JAKMIP1: variants seen among roughly 807,000 people sequenced by gnomAD.
JAKMIP1 encodes the protein janus kinase and microtubule interacting protein 1.
Under a neutral mutation model 113.0 loss-of-function variants are expected in JAKMIP1, and 33 were observed. The observed-to-expected ratio is 0.29, with a 90% CI of 0.22 to 0.39. The LOEUF is 0.39. JAKMIP1 is among the 10% of genes least tolerant of loss of function. JAKMIP1 has a pLI of 1.00. For synonymous variants in JAKMIP1, 480 were observed against 459.9 expected, an observed-to-expected ratio of 1.04 and a Z score of -0.56; for missense variants, 813 against 1,080.5, an observed-to-expected ratio of 0.75 and a Z score of 3.47.
chr4:6,043,827 C>T (rs1196997676), intron 16 of JAKMIP1, among the ~76,000 whole-genome samples: 1 of 152,078 alleles, frequency 6.6e-6, no homozygotes, highest in Non-Finnish European at 1.5e-5. Flanking sequence ...TCAGAGACCT[C>T]CAAAGACATC....
intron 3 of JAKMIP1, among the ~76,000 whole-genome samples, chr4:6,098,685 AAAG>A (rs1712397919): frequency 1.3e-4 from 1 of 7,674 alleles, no homozygotes; most frequent in South Asian, 9.3e-3. Flanking sequence ...AGAAAGAAAG[AAAG>A]AAAGAAAGAA....
rs1448663133 is a variant in JAKMIP1 at position 6,076,205 on chromosome 4, A to AAAAT, written c.1302+2730_1302+2733dup. Among the ~76,000 whole-genome samples, 1 of 152,134 alleles carries AAAAT rather than the reference A, an allele frequency of 6.6e-6. No homozygotes were observed. Among genetic ancestry groups the AAAAT allele is most frequent in the Non-Finnish European group, 1.5e-5 (1 of 68,034 alleles). On this transcript the variant is annotated intron_variant, in intron 8 of 20. Transcript: ENST00000409021. The surrounding 1 kb of genome is among the most constrained non-coding windows in gnomAD (Gnocchi z 4.8). Reference sequence around the variant, plus strand: ...AAAAATTAGTAAATAAATAAAAAATAAAATAAACAAACAAACAAATAAATA... The same window carrying AAAAT: ...AAAAATTAGTAAATAAATAAAAAATAAAATAAATAAACAAACAAACAAATAAATA...
Position 6,155,343 on chromosome 4 carries a change from G to A in JAKMIP1, c.-147-42346C>T, listed in dbSNP as rs541756355. Among the ~76,000 whole-genome samples the A allele has an allele frequency of 5.3e-5, 8 of 152,110 alleles. No homozygotes were observed. The highest frequency in any genetic ancestry group is 4.2e-4 in the South Asian group (2 of 4,796). The stretch of plus-strand genomic sequence containing the variant: ...AATGTTTACCCAGCCCTTATCCTGC[G>A]TCAGCTCTGCTCCAAGCACTTTATA... On this transcript the variant is annotated intron_variant, in intron 1 of 20. Transcript: ENST00000409021. This position sits in a 1 kb window ranked among gnomAD's most constrained non-coding sequence, Gnocchi z 6.1.
At chr4:6,035,732 C>A (rs1274972246) in intron 19 of JAKMIP1, among the ~76,000 whole-genome samples, 172 bp downstream of exon 19, 2 of 152,242 alleles carry the variant, frequency 1.3e-5, no homozygotes, top group African/African-American at 4.8e-5. Context: ...CTTGCCCCGT[C>A]ACGGGGAGAT....
chr4:6,178,852 G>A lies in JAKMIP1; in HGVS notation c.-148+21401C>T, dbSNP rs190736044. Among the ~76,000 whole-genome samples, 2 of 152,192 alleles carry A rather than the reference G, an allele frequency of 1.3e-5. No individual in the cohort carries two copies. Among genetic ancestry groups the A allele is most frequent in the East Asian group, 1.9e-4 (1 of 5,176 alleles). ...CCATCTCCCAACCTCAGAGCACCTC[G>A]TACTTGATTAAGGTCCCTCCCTCTT... On this transcript the variant is annotated intron_variant, in intron 1 of 20. Transcript: ENST00000409021. The surrounding 1 kb of genome is among the most constrained non-coding windows in gnomAD (Gnocchi z 5.5).
chr4:6,115,469 T>C (rs549337725), intron 1 of JAKMIP1, among the ~76,000 whole-genome samples: 25 of 152,344 alleles, frequency 1.6e-4, no homozygotes, highest in African/African-American at 5.3e-4. Context: ...CTGCTATATA[T>C]ATATTTGCTC....
Position 6,140,466 on chromosome 4 carries a change from TG to T in JAKMIP1, c.-147-27470del, listed in dbSNP as rs1211302950. Among the ~76,000 whole-genome samples, 4 of 151,962 alleles carry T rather than the reference TG, an allele frequency of 2.6e-5. No individual in the cohort carries two copies. Among genetic ancestry groups the T allele is most frequent in the Non-Finnish European group, 5.9e-5 (4 of 68,004 alleles). On this transcript the variant is annotated intron_variant, in intron 1 of 20. Transcript: ENST00000409021. This position sits in a 1 kb window ranked among gnomAD's most constrained non-coding sequence, Gnocchi z 9.4. ...TGCTCAGGTCCTGCTTCATCAACAC[TG>T]GGGGTCAGTGATTCGTGGTCCCCCC...
chr4:6,029,354 A>G (rs1712285087), intron 20 of JAKMIP1, among the ~76,000 whole-genome samples: 1 of 152,224 alleles, frequency 6.6e-6, no homozygotes, highest in African/African-American at 2.4e-5. Flanking sequence ...GAATGAGTCC[A>G]TGGAGGAGAA....
chr4:6,060,087 T>G (rs560706781), intron 11 of JAKMIP1, among the ~76,000 whole-genome samples: 1 of 152,296 alleles, frequency 6.6e-6, no homozygotes, highest in South Asian at 2.1e-4. Context: ...ATTAAAATCT[T>G]GATAGAAAAT....
At chr4:6,054,897 C>T (rs1254702622) in intron 12 of JAKMIP1, 1 of 455,830 alleles carries the variant, frequency 2.2e-6, no homozygotes, top group Non-Finnish European at 4.4e-6. Flanking sequence ...TGATCCCACC[C>T]CCGGGAGACC....
rs79174496 is a variant in JAKMIP1, at chr4:6,177,499, G to A, written c.-148+22754C>T. On this transcript the variant is annotated intron_variant, in intron 1 of 20. Coordinates refer to ENST00000409021, the MANE Select transcript of JAKMIP1 (RefSeq NM_001099433.2). ...TGCCTCTGAAAATTTGGGCCTCCTG[G>A]GAAGGGTGTAAGAGAAAGAGCCTGG... Among the ~76,000 whole-genome samples the A allele has an allele frequency of 4.5e-4, 69 of 152,268 alleles. 1 individual carries two copies. In the East Asian group the frequency reaches 0.012, roughly 27 times the overall value.
At position 6,098,767 on chromosome 4, in the gene JAKMIP1, A is replaced by AAAAG. The variant is rs1226691378; in HGVS notation, c.624+6702_624+6705dup. On this transcript the variant is annotated intron_variant, in intron 3 of 20. Transcript: ENST00000409021. ...AGGAAGGAAGGAAAGAAAGAGAAAG[A>AAAAG]AAAGAAAGAAAGAAAGAAAGATTGA... Among the ~76,000 whole-genome samples the AAAAG allele has an allele frequency of 6.4e-3, 974 of 151,466 alleles. 15 individuals are homozygous for AAAAG. Among genetic ancestry groups the AAAAG allele is most frequent in the African/African-American group, 0.021 (869 of 41,332 alleles).
intron 1 of JAKMIP1, among the ~76,000 whole-genome samples, chr4:6,124,509 C>T (rs1410805109): frequency 3.9e-5 from 6 of 152,230 alleles, no homozygotes; most frequent in Non-Finnish European, 7.3e-5. Context: ...CCACCCCAGC[C>T]AGCCCTCACC....
chr4:6,171,779 A>ATGGAAT (rs1724759866), intron 1 of JAKMIP1, among the ~76,000 whole-genome samples: 1 of 152,174 alleles, frequency 6.6e-6, no homozygotes, highest in South Asian at 2.1e-4. Context: ...CCTGCCTGGC[A>ATGGAAT]CGGAATCGAG....
Position 6,036,108 on chromosome 4 carries a change from C to G in JAKMIP1, c.2176-1G>C. ...GTGTGGCCTCCAGGTCTTGGATTTT[C>G]TGAGGACCCCAGATCACACAGACAG... On this transcript the variant is annotated splice_acceptor_variant, in intron 18 of 20. Transcript: ENST00000409021. LOFTEE classifies it high-confidence loss of function. 6.5e-7 allele frequency: 1 copy of G among 1,546,752 alleles called. No individual in the cohort carries two copies. The highest frequency in any genetic ancestry group is 8.8e-7 in the Non-Finnish European group (1 of 1,142,658).
Position 6,050,705 on chromosome 4 carries a change from C to T in JAKMIP1, c.1807-26G>A, listed in dbSNP as rs1193581160. ...CTGGGGAAAAGATTCGGTTTAAAAA[C>T]AGAATGTGACCGGATTATTTACCAC... On this transcript the variant is annotated intron_variant, in intron 13 of 20. Transcript: ENST00000409021. The surrounding 1 kb of genome is among the most constrained non-coding windows in gnomAD (Gnocchi z 7.4). The T allele has an allele frequency of 1.3e-6, 2 of 1,510,398 alleles. No homozygotes were observed. The highest frequency in any genetic ancestry group is 1.4e-5 in the African/African-American group (1 of 72,010). 93.6% of individuals were successfully genotyped at this position (1,510,398 alleles called of 1,614,324 possible). A position where few individuals can be genotyped will look rare whatever the true frequency, so the allele number is the denominator to read the frequency against.
rs1723776249 is a variant in JAKMIP1 at position 6,167,474 on chromosome 4, A to T, written c.-148+32779T>A. Reference sequence around the variant, plus strand: ...TCTGCCTCTAATAGTGGTTAAGGACACAGAGAGGGATGGTGTCACAGCTGT... The same window carrying T: ...TCTGCCTCTAATAGTGGTTAAGGACTCAGAGAGGGATGGTGTCACAGCTGT... On this transcript the variant is annotated intron_variant, in intron 1 of 20. Transcript: ENST00000409021. The surrounding 1 kb of genome is among the most constrained non-coding windows in gnomAD (Gnocchi z 5.3). Among the ~76,000 whole-genome samples, 1 of 152,224 alleles carries T rather than the reference A, an allele frequency of 6.6e-6. No homozygotes were observed. Among genetic ancestry groups the T allele is most frequent in the African/African-American group, 2.4e-5 (1 of 41,452 alleles).
Position 6,105,696 on chromosome 4 carries a change from G to A in JAKMIP1, c.401C>T (p.Thr134Ile), listed in dbSNP as rs1335697623. ...AADKVKTALL[T>I]EAREEARRAF... The stretch of plus-strand genomic sequence containing the variant: ...CCTGCGCGCCTCCTCGCGCGCCTCG[G>A]TCAGCAGCGCCGTCTTGACCTTGTC... Residue 134 changes from threonine (T) to isoleucine (I), a missense_variant, in exon 3 of 21, where the codon ACC becomes ATC. Physicochemically the swap from Thr to Ile is moderately conservative, Grantham distance 89. This residue lies in a region of JAKMIP1 where 540 missense variants were observed against 653.9 expected (regional missense o/e 0.83). Transcript: ENST00000409021. 4.4e-6 allele frequency: 7 copies of A among 1,603,490 alleles called. No individual in the cohort carries two copies. The highest frequency in any genetic ancestry group is 5.9e-6 in the Non-Finnish European group (7 of 1,178,008).
At position 6,168,890 on chromosome 4, in the gene JAKMIP1, G is replaced by C. The variant is rs926064467; in HGVS notation, c.-148+31363C>G. On this transcript the variant is annotated intron_variant, in intron 1 of 20. Transcript: ENST00000409021. This position sits in a 1 kb window ranked among gnomAD's most constrained non-coding sequence, Gnocchi z 4.6. ...CACTCCAGCCTAGGTGACAGAGTGA[G>C]AGCCTGTCTCAAAAAATAAAAACAA... Among the ~76,000 whole-genome samples, 2 of 151,492 alleles carry C rather than the reference G, an allele frequency of 1.3e-5. No individual in the cohort carries two copies. The highest frequency in any genetic ancestry group is 2.1e-4 in the South Asian group (1 of 4,792).
Sources: allele counts gnomAD v4.1 joint callset (sites outside exome capture counted in the v4.1 genomes callset), GRCh38; gene constraint gnomAD v4.1.1; regional missense constraint gnomAD v4.1.1; non-coding constraint Gnocchi (gnomAD v3.1); transcripts MANE v1.5; gene names NCBI Gene and HGNC (gene_info 2026-07-23, HGNC 2026-07-21).